Variants in DSCAML1 observed in about 807,000 individuals in gnomAD.
The protein encoded by DSCAML1 is DS cell adhesion molecule like 1, also known as cell adhesion molecule DSCAML1.
Under a neutral mutation model 200.5 loss-of-function variants are expected in DSCAML1, and 38 were observed. The ratio of observed to expected loss-of-function variants is 0.19; its 90% confidence interval spans 0.15 to 0.25. DSCAML1 has a LOEUF of 0.25. Among genes scored for constraint, DSCAML1 ranks in the 10% least tolerant of loss-of-function variants. The pLI is 1.00. For missense variants in DSCAML1, 2,223 were observed against 2,858.8 expected (o/e 0.78, Z 5.07); for synonymous variants, 1,215 against 1,165.0 (o/e 1.04, Z -0.87).
intron 3 of DSCAML1, among the ~76,000 whole-genome samples, chr11:117,742,898 C>A (rs1480684394): frequency 6.6e-6 from 1 of 152,186 alleles, no homozygotes; most frequent in Non-Finnish European, 1.5e-5. Flanking sequence ...TGGCGATTAA[C>A]ATGAGGTCGC....
At chr11:117,546,951 G>C (rs1363764769) in intron 3 of DSCAML1, among the ~76,000 whole-genome samples, 1 of 152,120 alleles carries the variant, frequency 6.6e-6, no homozygotes, top group Non-Finnish European at 1.5e-5. Context: ...CATTGTAATA[G>C]CATTTCCCTG....
At chr11:117,687,430 T>TAAA (rs1471598011) in intron 3 of DSCAML1, among the ~76,000 whole-genome samples, 9 of 114,006 alleles carry the variant, frequency 7.9e-5, no homozygotes, top group African/African-American at 1.8e-4. Flanking sequence ...CTGGCTATTT[T>TAAA]TTTTTTTTTT....
chr11:117,714,294 C>G (rs1243273560), intron 3 of DSCAML1, among the ~76,000 whole-genome samples: 2 of 152,134 alleles, frequency 1.3e-5, no homozygotes, highest in African/African-American at 4.8e-5. Context: ...TTCTGAAAGA[C>G]AGGGAAATCT....
chr11:117,571,120 G>A (rs114839103), intron 3 of DSCAML1, among the ~76,000 whole-genome samples: 1,898 of 152,332 alleles, frequency 0.012, 35 homozygotes, highest in African/African-American at 0.042. Flanking sequence ...TGGTGGGGAC[G>A]ATGTCGGGAG....
intron 3 of DSCAML1, among the ~76,000 whole-genome samples, chr11:117,666,703 T>A (rs957305204): frequency 1.3e-5 from 2 of 151,754 alleles, no homozygotes; most frequent in African/African-American, 4.8e-5. Context: ...CCGGCAGGAG[T>A]GCATTGTCTA....
At chr11:117,800,256 A>G (rs577662413), upstream of DSCAML1, among the ~76,000 whole-genome samples, 2 of 152,298 alleles carry the variant, frequency 1.3e-5, no homozygotes, top group South Asian at 4.1e-4. Context: ...CAAGGGAAAA[A>G]TGAAACGCCG....
chr11:117,432,613 G>T, intron 29 of DSCAML1, 109 bp from the exon 30 acceptor site: 1 of 1,312,634 alleles, frequency 7.6e-7, no homozygotes, highest in Non-Finnish European at 1.1e-6. Flanking sequence ...TTTTGTTTGT[G>T]GATTTGTTTG....
chr11:117,490,948 G>A (rs541776426), intron 11 of DSCAML1, among the ~76,000 whole-genome samples: 5 of 152,340 alleles, frequency 3.3e-5, no homozygotes, highest in South Asian at 2.1e-4. Context: ...TGGGGAGAAC[G>A]GTGAGTCTGG....
chr11:117,470,105 A>T (rs1425507234), intron 15 of DSCAML1, 125 bp from the exon 16 acceptor site: 1 of 757,296 alleles, frequency 1.3e-6, no homozygotes, highest in Admixed American at 3.2e-5. Flanking sequence ...GCTCAGATGC[A>T]GATAGCAGAG....
chr11:117,629,228 A>C (rs1007627031), intron 3 of DSCAML1, among the ~76,000 whole-genome samples: 1 of 152,140 alleles, frequency 6.6e-6, no homozygotes, highest in Non-Finnish European at 1.5e-5. Flanking sequence ...GCTCTCTATG[A>C]TATGTCACTG....
chr11:117,676,566 G>A (rs2053218439), intron 3 of DSCAML1, among the ~76,000 whole-genome samples: 1 of 152,238 alleles, frequency 6.6e-6, no homozygotes. Context: ...CAGACGGGGT[G>A]CTCCTGGGAC....
intron 3 of DSCAML1, among the ~76,000 whole-genome samples, chr11:117,593,551 C>T (rs996001679): frequency 1.3e-5 from 2 of 152,144 alleles, no homozygotes; most frequent in East Asian, 1.9e-4. Flanking sequence ...GCCCAGAGGC[C>T]GGGACAGCAC....
intron 4 of DSCAML1, among the ~76,000 whole-genome samples, chr11:117,530,975 G>T (rs754605722): frequency 6.6e-6 from 1 of 152,194 alleles, no homozygotes; most frequent in Non-Finnish European, 1.5e-5. Flanking sequence ...AATCCATTTG[G>T]TGAGTTGTGG....
chr11:117,605,566 T>C (rs1049121011), intron 3 of DSCAML1, among the ~76,000 whole-genome samples: 1 of 152,192 alleles, frequency 6.6e-6, no homozygotes, highest in African/African-American at 2.4e-5. Flanking sequence ...GTGGAGTCTG[T>C]CGTTGTTGGA....
chr11:117,715,227 T>G (rs1016522464), intron 3 of DSCAML1, among the ~76,000 whole-genome samples: 1 of 152,148 alleles, frequency 6.6e-6, no homozygotes, highest in Non-Finnish European at 1.5e-5. Flanking sequence ...CAGCATGCAC[T>G]GCTCCCTCCT....
intron 1 of DSCAML1, among the ~76,000 whole-genome samples, chr11:117,814,325 G>A (rs889726929): frequency 2.0e-5 from 3 of 152,312 alleles, no homozygotes; most frequent in Middle Eastern, 3.4e-3. Flanking sequence ...ACACGGATGC[G>A]CATGAAACTT....
chr11:117,531,255 A>G (rs2050071928), intron 4 of DSCAML1, among the ~76,000 whole-genome samples: 1 of 152,100 alleles, frequency 6.6e-6, no homozygotes. Flanking sequence ...AGGGGTTCAG[A>G]GTTTGAATTC....
intron 3 of DSCAML1, among the ~76,000 whole-genome samples, chr11:117,711,000 T>C (rs989532408): frequency 3.9e-5 from 6 of 152,186 alleles, no homozygotes; most frequent in Admixed American, 2.0e-4. Flanking sequence ...AGCTCCCATA[T>C]GGGCAGATTC....
chr11:117,731,277 G>A (rs774595277), intron 3 of DSCAML1, among the ~76,000 whole-genome samples: 2 of 152,126 alleles, frequency 1.3e-5, no homozygotes, highest in Non-Finnish European at 2.9e-5. Flanking sequence ...AGAAAGAACC[G>A]CAGCCCTCTG....
Sources: gnomAD v4.1 joint callset for allele counts (sites outside exome capture counted in the v4.1 genomes callset) on GRCh38, gnomAD v4.1.1 for gene constraint, MANE v1.5 for transcripts, NCBI Gene and HGNC (gene_info 2026-07-23, HGNC 2026-07-21) for gene names.